Variants in MAPKAP1 observed in about 807,000 individuals in gnomAD.
MAPKAP1 encodes the protein target of rapamycin complex 2 subunit MAPKAP1.
Under a neutral mutation model 65.7 loss-of-function variants are expected in MAPKAP1, and 20 were observed. That is an observed-to-expected ratio of 0.30 (90% CI 0.21 to 0.44). MAPKAP1 has a LOEUF of 0.44. MAPKAP1 is among the 20% of genes least tolerant of loss of function. The pLI, the probability that MAPKAP1 is intolerant of heterozygous loss-of-function variation, is 1.00. For missense variants in MAPKAP1, 423 were observed against 648.0 expected (o/e 0.65, Z 3.77); for synonymous variants, 222 against 244.3 (o/e 0.91, Z 0.85).
chr9:125,615,209 CTA>C (rs569946098), intron 4 of MAPKAP1, among the ~76,000 whole-genome samples: 2 of 150,952 alleles, frequency 1.3e-5, no homozygotes, highest in Non-Finnish European at 3.0e-5. Context: ...CAATGACAAA[CTA>C]TATATATATA....
At chr9:125,704,969 T>C (rs1293365254) in intron 1 of MAPKAP1, among the ~76,000 whole-genome samples, 1 of 152,214 alleles carries the variant, frequency 6.6e-6, no homozygotes, top group Non-Finnish European at 1.5e-5. Flanking sequence ...TCACATATCC[T>C]GTAAGAACAG....
intron 7 of MAPKAP1, among the ~76,000 whole-genome samples, chr9:125,507,907 C>G: frequency 6.6e-6 from 1 of 152,016 alleles, no homozygotes; most frequent in South Asian, 2.1e-4. Flanking sequence ...GGCATGGTAG[C>G]CCCCTTAGCG....
chr9:125,593,318 A>G (rs910630724), intron 4 of MAPKAP1, among the ~76,000 whole-genome samples: 3 of 151,988 alleles, frequency 2.0e-5, no homozygotes, highest in Admixed American at 1.3e-4. Flanking sequence ...AGAAAAAAAT[A>G]TATATAACTC....
chr9:125,529,729 T>A (rs1009993698), intron 7 of MAPKAP1, among the ~76,000 whole-genome samples: 4 of 152,200 alleles, frequency 2.6e-5, no homozygotes, highest in Non-Finnish European at 2.9e-5. Flanking sequence ...CACACCTAGC[T>A]GCCTGCCATA....
intron 4 of MAPKAP1, among the ~76,000 whole-genome samples, chr9:125,651,045 C>A (rs1833878510): frequency 6.6e-6 from 1 of 152,188 alleles, no homozygotes; most frequent in Admixed American, 6.5e-5. Context: ...CAGCTCACTG[C>A]AGCCTCAACC....
chr9:125,497,167 G>C (rs1350599544), intron 8 of MAPKAP1, among the ~76,000 whole-genome samples: 1 of 152,194 alleles, frequency 6.6e-6, no homozygotes, highest in East Asian at 1.9e-4. Flanking sequence ...ACCTCTGGAT[G>C]TTCTTCCTTC....
intron 4 of MAPKAP1, among the ~76,000 whole-genome samples, chr9:125,602,553 A>G (rs1832329211): frequency 1.3e-5 from 2 of 152,176 alleles, no homozygotes; most frequent in South Asian, 4.1e-4. Flanking sequence ...AAGCAACACA[A>G]AGTAAAAGTA....
chr9:125,533,378 T>A (rs1829986484), intron 7 of MAPKAP1, among the ~76,000 whole-genome samples: 1 of 152,108 alleles, frequency 6.6e-6, no homozygotes, highest in East Asian at 1.9e-4. Flanking sequence ...GCTGATAACA[T>A]TCAGTGCTGG....
Position 125,672,691 on chromosome 9 carries a change from T to C in MAPKAP1, c.-69-48A>G, listed in dbSNP as rs1834530572. ...AAATATTTAAGAATAAGGCAGAAAA[T>C]GACTGAATCATTTTTCAGACACATT... is the stretch of plus-strand genomic sequence containing the variant. On this transcript the variant is annotated intron_variant, in intron 1 of 11. Coordinates refer to ENST00000265960, the MANE Select transcript of MAPKAP1 (RefSeq NM_001006617.3). 26 of 1,189,096 alleles carry C rather than the reference T, an allele frequency of 2.2e-5. No homozygotes were observed. In the South Asian group the frequency reaches 3.7e-4, roughly 17 times the overall value. 73.7% of individuals were successfully genotyped at this position (1,189,096 alleles called of 1,614,324 possible).
chr9:125,629,994 T>C (rs1454553623), intron 4 of MAPKAP1, among the ~76,000 whole-genome samples: 9 of 152,104 alleles, frequency 5.9e-5, no homozygotes, highest in Admixed American at 3.9e-4. Flanking sequence ...ACAAACTATG[T>C]GGGGAAGTAG....
intron 5 of MAPKAP1, among the ~76,000 whole-genome samples, chr9:125,583,848 G>A (rs1351455907): frequency 6.6e-6 from 1 of 152,178 alleles, no homozygotes. Context: ...TGGATCACGA[G>A]GTCAGGAGAT....
chr9:125,577,618 G>GGT (rs1831472287), intron 5 of MAPKAP1, among the ~76,000 whole-genome samples: 1 of 44,038 alleles, frequency 2.3e-5, no homozygotes, highest in African/African-American at 8.8e-5. Flanking sequence ...AGGTGGGGGG[G>GGT]GTCAGCCCCC....
At chr9:125,541,115 C>T (rs17257143) in intron 7 of MAPKAP1, among the ~76,000 whole-genome samples, 16,226 of 152,172 alleles carry the variant, frequency 0.11, 1,143 homozygotes, top group Middle Eastern at 0.2. Context: ...GAATAAATAA[C>T]GCAGATCACT....
intron 7 of MAPKAP1, among the ~76,000 whole-genome samples, chr9:125,522,710 T>C (rs975766308): frequency 6.6e-6 from 1 of 152,176 alleles, no homozygotes; most frequent in Non-Finnish European, 1.5e-5. Context: ...AGATTCAAGG[T>C]ATCACTTTCA....
rs565955619 is a variant in MAPKAP1 at position 125,532,225 on chromosome 9, A to AT, written c.958+10833dup. On this transcript the variant is annotated intron_variant, in intron 7 of 11. Transcript: ENST00000265960. ...GTGCTCTCTTTCTCTATATATTTAT[A>AT]TATCTCCTTGGTTTTCTACCACAAA... is the stretch of plus-strand genomic sequence containing the variant. 8.5e-5 allele frequency among the ~76,000 whole-genome samples: 13 copies of AT among 152,332 alleles called. No homozygotes were observed. In the South Asian group the frequency reaches 2.5e-3, roughly 29 times the overall value.
At chr9:125,620,991 G>A (rs1269725795) in intron 4 of MAPKAP1, among the ~76,000 whole-genome samples, 1 of 152,108 alleles carries the variant, frequency 6.6e-6, no homozygotes. Context: ...GTGCCATCAG[G>A]CCAGATGCGG....
chr9:125,682,014 G>A (rs1403925050), intron 1 of MAPKAP1, among the ~76,000 whole-genome samples: 2 of 152,136 alleles, frequency 1.3e-5, no homozygotes, highest in Non-Finnish European at 1.5e-5. Flanking sequence ...CTCCCACTTT[G>A]GCATCCCAAA....
intron 4 of MAPKAP1, among the ~76,000 whole-genome samples, chr9:125,633,714 T>C (rs1833351142): frequency 6.6e-6 from 1 of 152,014 alleles, no homozygotes; most frequent in East Asian, 1.9e-4. Context: ...ATGAATAACA[T>C]AACTAACTTT....
At chr9:125,511,789 TAA>T (rs985030488) in intron 7 of MAPKAP1, among the ~76,000 whole-genome samples, 3 of 152,134 alleles carry the variant, frequency 2.0e-5, no homozygotes, top group Non-Finnish European at 4.4e-5. Context: ...AAAGAGGATT[TAA>T]AAAGTCACAG....
Sources: gnomAD v4.1 joint callset for allele counts (sites outside exome capture counted in the v4.1 genomes callset) on GRCh38, gnomAD v4.1.1 for gene constraint, MANE v1.5 for transcripts, NCBI Gene and HGNC (gene_info 2026-07-23, HGNC 2026-07-21) for gene names.